The following DMXL1 variants were observed in gnomAD, a reference collection of about 807,000 sequenced individuals.
DMXL1 encodes dmX-like protein 1.
In DMXL1, 99 loss-of-function variants were observed where a neutral mutation model predicts 319.2. The ratio of observed to expected loss-of-function variants is 0.31; its 90% CI spans 0.26 to 0.37. The LOEUF (loss-of-function observed/expected upper bound fraction) is 0.37, where lower values mean the gene tolerates loss of function less well. Among genes scored for constraint, DMXL1 ranks in the 10% least tolerant of loss-of-function variants. The probability of loss-of-function intolerance (pLI) is 1.00; values close to 1 mark genes in which losing one functional copy is unlikely to be tolerated. For missense variants in DMXL1, 3,745 were observed against 3,595.6 expected, an observed-to-expected ratio of 1.04 and a Z score of -1.06; for synonymous variants, 1,385 against 1,235.2, an observed-to-expected ratio of 1.12 and a Z score of -2.54.
chr5:119,120,496 C>T (rs1184324858), intron 8 of DMXL1, among the ~76,000 whole-genome samples: 3 of 152,200 alleles, frequency 2.0e-5, no homozygotes, highest in East Asian at 1.9e-4. Context: ...CTGCCTGCCT[C>T]ATGGCATCAA....
At position 119,133,994 on chromosome 5, in the gene DMXL1, T is replaced by C. The variant is rs368893077; in HGVS notation, c.2070T>C (p.Thr690=). 2 of 1,614,088 alleles carry C rather than the reference T, an allele frequency of 1.2e-6. No individual in the cohort carries two copies. Among genetic ancestry groups the C allele is most frequent in the African/African-American group, 2.7e-5 (2 of 74,928 alleles). The change falls in exon 12 of 44, where the codon ACT becomes ACC. Residue 690 remains threonine (T), a synonymous_variant. Coordinates refer to ENST00000539542, the MANE Select transcript of DMXL1 (RefSeq NM_001290321.3). ...CTTTGACACAACAAAATAAAAGCAC[T>C]GTTGACGTGGCATTTCAGGATCCCA... The part of the protein sequence containing the change: ...ECSLTQQNKS[T]VDVAFQDPSA...
At chr5:119,154,658 T>A (rs1364876649) in intron 19 of DMXL1, 1 of 154,522 alleles carries the variant, frequency 6.5e-6, no homozygotes, top group Admixed American at 6.5e-5. Flanking sequence ...CTGGATAACA[T>A]GCTGAAGCTT....
At position 119,177,609 on chromosome 5, in the gene DMXL1, A is replaced by C; in HGVS notation, c.6886+125A>C. ...ATACTGTTAGAATTGATACCAGTTAAGTATTCACCACTCATTCTGAATTAC... is the reference window on the plus strand; with the variant it reads ...ATACTGTTAGAATTGATACCAGTTACGTATTCACCACTCATTCTGAATTAC... On this transcript the variant is annotated intron_variant, in intron 27 of 43. Transcript: ENST00000539542. 3 of 715,428 alleles carry C rather than the reference A, an allele frequency of 4.2e-6. No individual in the cohort carries two copies. The Admixed American group carries it at 1.0e-4, about 24-fold the overall frequency. 44.3% of individuals were successfully genotyped at this position (715,428 alleles called of 1,614,324 possible).
chr5:119,137,134 C>A (rs1041070052), intron 13 of DMXL1, among the ~76,000 whole-genome samples: 4 of 152,254 alleles, frequency 2.6e-5, no homozygotes, highest in African/African-American at 9.6e-5. Context: ...GAACCCACAC[C>A]TGTGTCAATG....
intron 32 of DMXL1, among the ~76,000 whole-genome samples, chr5:119,198,390 A>G (rs1388585647): frequency 6.6e-6 from 1 of 152,238 alleles, no homozygotes; most frequent in East Asian, 1.9e-4. Context: ...CATAGACAAC[A>G]TGTACACAAA....
intron 1 of DMXL1, among the ~76,000 whole-genome samples, chr5:119,072,556 AACTT>A (rs1225607718): frequency 6.6e-6 from 1 of 152,172 alleles, no homozygotes; most frequent in Non-Finnish European, 1.5e-5. Context: ...ATAAAAGTAA[AACTT>A]AATTTTGTAT....
intron 40 of DMXL1, 67 bp downstream of exon 40, chr5:119,237,481 A>G (rs1787969996): frequency 1.1e-6 from 1 of 945,964 alleles, no homozygotes. Context: ...AAGAATACGT[A>G]TTTGAGACAA....
At chr5:119,123,671 T>G (rs1353221894) in intron 9 of DMXL1, among the ~76,000 whole-genome samples, 1 of 151,610 alleles carries the variant, frequency 6.6e-6, no homozygotes, top group African/African-American at 2.4e-5. Context: ...TTAATTTTTA[T>G]TTTTTATAGG....
chr5:119,077,617 C>T (rs1443554886), intron 1 of DMXL1, among the ~76,000 whole-genome samples: 7 of 138,262 alleles, frequency 5.1e-5, no homozygotes, highest in African/African-American at 1.9e-4. Flanking sequence ...ACCACAGACA[C>T]GTGCCACCAT....
At chr5:119,242,676 G>C (rs1789047506) in intron 42 of DMXL1, among the ~76,000 whole-genome samples, 1 of 152,148 alleles carries the variant, frequency 6.6e-6, no homozygotes, top group African/African-American at 2.4e-5. Context: ...ACACACTTGT[G>C]GGACTCACAT....
rs576380632 is a variant in DMXL1 at position 119,098,852 on chromosome 5, C to T, written c.213+748C>T. Among the ~76,000 whole-genome samples the T allele has an allele frequency of 5.0e-4, 76 of 152,186 alleles. 1 individual carries two copies. The South Asian group carries it at 0.013, about 27-fold the overall frequency. On this transcript the variant is annotated intron_variant, in intron 2 of 43. Coordinates refer to ENST00000539542, the MANE Select transcript of DMXL1 (RefSeq NM_001290321.3). Reference sequence around the variant, plus strand: ...ACTTCGCAAATACACTCATATGATTCCACTAGAACATTTTGTGTAAGGAAT... The same window carrying T: ...ACTTCGCAAATACACTCATATGATTTCACTAGAACATTTTGTGTAAGGAAT...
intron 2 of DMXL1, among the ~76,000 whole-genome samples, chr5:119,099,357 C>T (rs1756726092): frequency 6.6e-6 from 1 of 150,480 alleles, no homozygotes; most frequent in Admixed American, 6.6e-5. Flanking sequence ...ATTACAGGTG[C>T]TCGCCATCAT....
chr5:119,209,674 G>C (rs1782397045), intron 34 of DMXL1, among the ~76,000 whole-genome samples: 1 of 152,114 alleles, frequency 6.6e-6, no homozygotes, highest in Admixed American at 6.6e-5. Context: ...CCAACAGTTG[G>C]TGTGTAGTCT....
chr5:119,231,741 G>A (rs1786773628), intron 38 of DMXL1, among the ~76,000 whole-genome samples: 1 of 152,220 alleles, frequency 6.6e-6, no homozygotes, highest in Non-Finnish European at 1.5e-5. Context: ...GGTGTTCAAG[G>A]AAGCACAACA....
chr5:119,086,061 G>C (rs1211211944), intron 1 of DMXL1, among the ~76,000 whole-genome samples: 1 of 152,204 alleles, frequency 6.6e-6, no homozygotes, highest in African/African-American at 2.4e-5. Context: ...AGTTACAAAA[G>C]AGGTTTATTG....
At position 119,133,774 on chromosome 5, in the gene DMXL1, A is replaced by T. The variant is rs1199927184; in HGVS notation, c.1850A>T (p.Glu617Val). 1.9e-6 allele frequency: 3 copies of T among 1,614,070 alleles called. No individual in the cohort carries two copies. Among genetic ancestry groups the T allele is most frequent in the Non-Finnish European group, 2.5e-6 (3 of 1,180,056 alleles). The change falls in exon 12 of 44, where the codon GAG becomes GTG. Residue 617 changes from glutamate (E) to valine (V), a missense_variant. Transcript: ENST00000539542. ...AATCAGTGGCTGGTCAGTTTTGCCG[A>T]GGAATCTGCTTTTTCTACTGTTCTC... ...SLNQWLVSFA[E>V]ESAFSTVLSI...
chr5:119,130,035 C>T (rs1029508081), intron 10 of DMXL1, among the ~76,000 whole-genome samples: 4 of 151,932 alleles, frequency 2.6e-5, no homozygotes, highest in African/African-American at 9.7e-5. Context: ...AAGTAAGAAA[C>T]TGTGGTGTGC....
intron 18 of DMXL1, among the ~76,000 whole-genome samples, chr5:119,150,650 G>T (rs1014490898): frequency 1.3e-5 from 2 of 151,868 alleles, no homozygotes; most frequent in African/African-American, 4.8e-5. Flanking sequence ...AAATTAGCCA[G>T]ATATGGTGCC....
chr5:119,086,647 A>G (rs1288143384), intron 1 of DMXL1, among the ~76,000 whole-genome samples: 2 of 152,188 alleles, frequency 1.3e-5, no homozygotes, highest in African/African-American at 4.8e-5. Flanking sequence ...AATGTTTGAT[A>G]GAATTCAGCA....
Sources: allele counts gnomAD v4.1 joint callset (sites outside exome capture counted in the v4.1 genomes callset), GRCh38; gene constraint gnomAD v4.1.1; transcripts MANE v1.5; gene names NCBI Gene and HGNC (gene_info 2026-07-23, HGNC 2026-07-21).